Variants in TBX19 observed in about 807,000 individuals in gnomAD.
TBX19 encodes T-box transcription factor TBX19.
A neutral mutation model predicts 40.9 loss-of-function variants in TBX19; 33 were observed. The observed-to-expected ratio is 0.81, with a 90% confidence interval of 0.61 to 1.08. TBX19 has a LOEUF of 1.08. Ranked by LOEUF, TBX19 falls within the 50% of genes least tolerant of loss-of-function variation. The pLI, the probability that TBX19 is intolerant of heterozygous loss-of-function variation, is 0.00. For synonymous variants in TBX19, 220 were observed against 225.0 expected, an observed-to-expected ratio of 0.98 and a Z score of 0.20; for missense variants, 494 against 574.0, an observed-to-expected ratio of 0.86 and a Z score of 1.42.
At chr1:168,302,103 C>G (rs949023716) in intron 5 of TBX19, among the ~76,000 whole-genome samples, 1 of 152,158 alleles carries the variant, frequency 6.6e-6, no homozygotes, top group Non-Finnish European at 1.5e-5. Flanking sequence ...GTTCAAAGTT[C>G]ATGTGTTGCA....
At chr1:168,293,763 TG>T (rs1649026604) in intron 3 of TBX19, among the ~76,000 whole-genome samples, 1 of 152,174 alleles carries the variant, frequency 6.6e-6, no homozygotes, top group African/African-American at 2.4e-5. Context: ...AGTCTGCTGC[TG>T]CCCAGTGACT....
At chr1:168,290,753 G>A (rs945091335) in intron 1 of TBX19, among the ~76,000 whole-genome samples, 105 of 152,176 alleles carry the variant, frequency 6.9e-4, no homozygotes, top group African/African-American at 2.5e-3. Flanking sequence ...GCCCAGGCTG[G>A]CATGTTTTGC....
At chr1:168,293,367 G>GA in intron 3 of TBX19, 89 bp downstream of exon 3, 3 of 1,469,856 alleles carry the variant, frequency 2.0e-6, no homozygotes, top group Non-Finnish European at 2.7e-6. Flanking sequence ...GGCGGGGGGG[G>GA]TCCTTTTAGA....
At position 168,308,725 on chromosome 1, in the gene TBX19, G is replaced by T; in HGVS notation, c.917-17G>T. 6.2e-7 allele frequency: 1 copy of T among 1,614,044 alleles called. No individual in the cohort carries two copies. On this transcript the variant is annotated splice_polypyrimidine_tract_variant and intron_variant, in intron 6 of 7. Transcript: ENST00000367821. ...TTCTACATTTGCTATCAATTCAACT[G>T]TTGTTATTTCCCCAAGTGAATTTGA...
chr1:168,304,138 C>T (rs1325676801), intron 5 of TBX19, among the ~76,000 whole-genome samples: 2 of 152,182 alleles, frequency 1.3e-5, no homozygotes, highest in South Asian at 2.1e-4. Context: ...AAGACCACAG[C>T]GTTGCAATAA....
chr1:168,298,081 A>T (rs1244421190), intron 4 of TBX19, among the ~76,000 whole-genome samples: 12 of 152,172 alleles, frequency 7.9e-5, no homozygotes, highest in Admixed American at 5.9e-4. Flanking sequence ...CTGTAGTCCC[A>T]GCTACTCGGG....
intron 4 of TBX19, among the ~76,000 whole-genome samples, chr1:168,299,228 T>A (rs12046395): frequency 0.023 from 3,566 of 152,130 alleles, 125 homozygotes; most frequent in South Asian, 0.14. Flanking sequence ...ACTCTATGTC[T>A]TTTGCATCCC....
intron 1 of TBX19, among the ~76,000 whole-genome samples, chr1:168,288,316 T>C (rs1648853645): frequency 6.6e-6 from 1 of 152,220 alleles, no homozygotes. Context: ...TTATTTCTTT[T>C]CAAATTTTTC....
In TBX19 at chr1:168,308,128, G is replaced by A. The variant is rs183866383; in HGVS notation, c.917-614G>A. On this transcript the variant is annotated intron_variant, in intron 6 of 7. Transcript: ENST00000367821. ...ATTATGTTCTTCTTTTTGTAAAAAGGTATGTTTTTTTCTTAATTTTTTTTT... is the reference window on the plus strand; with the variant it reads ...ATTATGTTCTTCTTTTTGTAAAAAGATATGTTTTTTTCTTAATTTTTTTTT... 176 of 148,688 alleles carry A rather than the reference G, an allele frequency of 1.2e-3. 2 individuals are homozygous for A. Among genetic ancestry groups the A allele is most frequent in the Admixed American group, 9.0e-3 (131 of 14,612 alleles). The allele number at this position is 148,688 out of a possible 1,614,324, so 9.2% of individuals were successfully genotyped here. A position where few individuals can be genotyped will look rare whatever the true frequency, so the allele number is the denominator to read the frequency against.
In TBX19 at chr1:168,312,758, G is replaced by T. The variant is rs777264530; in HGVS notation, c.1103G>T (p.Gly368Val). 5 of 1,614,158 alleles carry T rather than the reference G, an allele frequency of 3.1e-6. 1 individual carries two copies. In the South Asian group the frequency reaches 5.5e-5, roughly 18 times the overall value. Residue 368 changes from glycine to valine, a missense_variant, in exon 8 of 8, where the codon GGG becomes GTG. Physicochemically the swap from Gly to Val is moderately radical, Grantham distance 109. Coordinates refer to ENST00000367821, the MANE Select transcript of TBX19 (RefSeq NM_005149.3). The stretch of plus-strand genomic sequence containing the variant: ...AGCAATGGTGCCGGAGGCCCCAGTG[G>T]GCCAGGCCCGGAGGTGCACGCCAGC... ...TISNGAGGPSGPGPEVHASTP... is the reference protein window; with the variant it reads ...TISNGAGGPSVPGPEVHASTP...
In TBX19 at chr1:168,286,930, A is replaced by G. The variant is rs140515427; in HGVS notation, c.204-4230A>G. Among the ~76,000 whole-genome samples, 989 of 152,342 alleles carry G rather than the reference A, an allele frequency of 6.5e-3. 13 individuals are homozygous for G. Among genetic ancestry groups the G allele is most frequent in the African/African-American group, 0.021 (871 of 41,582 alleles). On this transcript the variant is annotated intron_variant, in intron 1 of 7. Transcript: ENST00000367821. ...TCATATTGCAGCCATCCTAGTGGCC[A>G]TGAAGTGGCATCTCACTGTGGTTTG... is the stretch of plus-strand genomic sequence containing the variant.
At position 168,297,130 on chromosome 1, in the gene TBX19, A is replaced by C. The variant is rs144925471; in HGVS notation, c.604-594A>C. Reference sequence around the variant, plus strand: ...TCTATCTATACGTCAGATGTCTCTAATGAGAAATGAAGCAGGCTCAGGCTA... The same window carrying C: ...TCTATCTATACGTCAGATGTCTCTACTGAGAAATGAAGCAGGCTCAGGCTA... On this transcript the variant is annotated intron_variant, in intron 3 of 7. Transcript: ENST00000367821. Among the ~76,000 whole-genome samples, 852 of 152,292 alleles carry C rather than the reference A, an allele frequency of 5.6e-3. 32 individuals carry two copies. Among genetic ancestry groups the C allele is most frequent in the East Asian group, 6.6e-3 (34 of 5,186 alleles).
intron 1 of TBX19, among the ~76,000 whole-genome samples, chr1:168,283,216 C>T (rs921108819): frequency 6.6e-5 from 10 of 152,166 alleles, no homozygotes; most frequent in Non-Finnish European, 1.3e-4. Context: ...TTAATATTAG[C>T]TACATGAACA....
intron 3 of TBX19, among the ~76,000 whole-genome samples, chr1:168,296,482 G>C (rs546987264): frequency 7.4e-4 from 113 of 152,174 alleles, no homozygotes; most frequent in Non-Finnish European, 1.4e-3. Context: ...CAAGAGAAAG[G>C]GGAAACCCCT....
chr1:168,285,473 T>C (rs1325748323), intron 1 of TBX19, among the ~76,000 whole-genome samples: 2 of 152,232 alleles, frequency 1.3e-5, no homozygotes, highest in African/African-American at 4.8e-5. Context: ...TCACTTCTCA[T>C]AGCCTCCTCC....
rs1649188223 is a variant in TBX19 at position 168,298,823 on chromosome 1, CTTTCTTTCTTTCTTTCTTTCTTTCTTT to C, written c.665+1039_665+1065del. Among the ~76,000 whole-genome samples, 2 of 15,538 alleles carry C rather than the reference CTTTCTTTCTTTCTTTCTTTCTTTCTTT, an allele frequency of 1.3e-4. 1 individual carries two copies. Among genetic ancestry groups the C allele is most frequent in the Non-Finnish European group, 2.5e-4 (2 of 8,156 alleles). 10.2% of individuals were successfully genotyped at this position (15,538 alleles called of 152,430 possible). On this transcript the variant is annotated intron_variant, in intron 4 of 7. Transcript: ENST00000367821. Reference sequence around the variant, plus strand: ...CTCCCCTCCCTCCCTCCCTCCCTTCCTTTCTTTCTTTCTTTCTTTCTTTCTTTCTTTCTTTCTTTCTTTCTTTCTTTC... The same window carrying C: ...CTCCCCTCCCTCCCTCCCTCCCTTCCCTTTCTTTCTTTCTTTCTTTCTTTC...
intron 3 of TBX19, chr1:168,297,514 C>A: frequency 1.5e-6 from 1 of 645,472 alleles, no homozygotes; most frequent in Non-Finnish European, 2.9e-6. Context: ...TTGCCAGAGA[C>A]AGCGCAGTGG....
In TBX19 at chr1:168,308,740, A is replaced by G; in HGVS notation, c.917-2A>G. On this transcript the variant is annotated splice_acceptor_variant, in intron 6 of 7. Coordinates refer to ENST00000367821, the MANE Select transcript of TBX19 (RefSeq NM_005149.3). LOFTEE classifies it high-confidence loss of function. Reference sequence around the variant, plus strand: ...CAATTCAACTGTTGTTATTTCCCCAAGTGAATTTGATAGAAAGCTCAAGCA... The same window carrying G: ...CAATTCAACTGTTGTTATTTCCCCAGGTGAATTTGATAGAAAGCTCAAGCA... 1 of 1,614,076 alleles carries G rather than the reference A, an allele frequency of 6.2e-7. No individual in the cohort carries two copies. Among genetic ancestry groups the G allele is most frequent in the Non-Finnish European group, 8.5e-7 (1 of 1,180,008 alleles).
At chr1:168,286,674 T>C (rs1197371713) in intron 1 of TBX19, among the ~76,000 whole-genome samples, 3 of 152,272 alleles carry the variant, frequency 2.0e-5, no homozygotes, top group Non-Finnish European at 4.4e-5. Flanking sequence ...TTATGCATAA[T>C]GTTGCTATGT....
Sources: gnomAD v4.1 joint callset for allele counts (sites outside exome capture counted in the v4.1 genomes callset) on GRCh38, gnomAD v4.1.1 for gene constraint, MANE v1.5 for transcripts, NCBI Gene and HGNC (gene_info 2026-07-23, HGNC 2026-07-21) for gene names.